The following CASZ1 variants were observed in gnomAD, a reference collection of about 807,000 sequenced individuals.
The protein encoded by CASZ1 is zinc finger protein castor homolog 1.
CASZ1 carries 28 observed loss-of-function variants against 135.2 expected under a neutral mutation model. The ratio of observed to expected loss-of-function variants is 0.21; its 90% CI spans 0.15 to 0.28. The LOEUF is 0.28. Ranked by LOEUF, CASZ1 falls within the 10% of genes least tolerant of loss-of-function variation. CASZ1 has a pLI of 1.00. For missense variants in CASZ1, 2,161 were observed against 2,453.3 expected (o/e 0.88, Z 2.52); for synonymous variants, 1,068 against 1,073.4 (o/e 0.99, Z 0.10).
chr1:10,756,014 G>A lies in CASZ1; in HGVS notation c.-77+4687C>T, dbSNP rs144910105. On this transcript the variant is annotated intron_variant, in intron 2 of 20. Coordinates refer to ENST00000377022, the MANE Select transcript of CASZ1 (RefSeq NM_001079843.3). The surrounding 1 kb of genome is among the most constrained non-coding windows in gnomAD (Gnocchi z 5.9). ...CGGAAAGCAGAAAAACCTCCCACGC[G>A]TGCACAGATGCACACGCCTCCCACC... is the stretch of plus-strand genomic sequence containing the variant. Among the ~76,000 whole-genome samples the A allele has an allele frequency of 1.9e-4, 29 of 152,182 alleles. No homozygotes were observed. The highest frequency in any genetic ancestry group is 5.8e-4 in the East Asian group (3 of 5,180).
At chr1:10,751,160 A>G (rs1640144032) in intron 2 of CASZ1, among the ~76,000 whole-genome samples, 1 of 152,136 alleles carries the variant, frequency 6.6e-6, no homozygotes, top group African/African-American at 2.4e-5. Flanking sequence ...GGGAATAGGA[A>G]AGATCTGAGC....
chr1:10,772,168 G>A (rs1640588595), intron 1 of CASZ1, among the ~76,000 whole-genome samples: 1 of 152,226 alleles, frequency 6.6e-6, no homozygotes, highest in Non-Finnish European at 1.5e-5. Flanking sequence ...CTGGAGGAAG[G>A]AGGAGAAGGG....
chr1:10,773,628 A>G (rs1346990357), intron 1 of CASZ1, among the ~76,000 whole-genome samples: 1 of 152,018 alleles, frequency 6.6e-6, no homozygotes, highest in African/African-American at 2.4e-5. Context: ...TTCTCAGCAT[A>G]CTTGGCCGGG....
intron 1 of CASZ1, among the ~76,000 whole-genome samples, chr1:10,768,929 C>T (rs1640525249): frequency 6.6e-6 from 1 of 152,108 alleles, no homozygotes; most frequent in Admixed American, 6.6e-5. Flanking sequence ...TCACTTGAGG[C>T]CAGGAGTTCG....
chr1:10,642,710 A>T, intron 20 of CASZ1, 149 bp downstream of exon 20: 1 of 834,742 alleles, frequency 1.2e-6, no homozygotes, highest in Non-Finnish European at 1.8e-6. Flanking sequence ...TCGATGACCC[A>T]GTCCCACAGA....
At chr1:10,680,924 AG>A (rs1296459305) in intron 4 of CASZ1, among the ~76,000 whole-genome samples, 1 of 152,132 alleles carries the variant, frequency 6.6e-6, no homozygotes, top group Non-Finnish European at 1.5e-5. Flanking sequence ...TTTTGGAGAC[AG>A]GGTCTTACTC....
At chr1:10,789,044 TC>T (rs1557573154) in intron 1 of CASZ1, among the ~76,000 whole-genome samples, 3 of 152,054 alleles carry the variant, frequency 2.0e-5, no homozygotes, top group Admixed American at 6.5e-5. Context: ...GGGACAAGCC[TC>T]CTCTAACCCT....
intron 5 of CASZ1, among the ~76,000 whole-genome samples, chr1:10,662,025 TAC>T (rs761361304): frequency 2.1e-4 from 32 of 150,750 alleles, no homozygotes; most frequent in African/African-American, 3.9e-4. Flanking sequence ...TGCATTCTCA[TAC>T]ACTCTCACAC....
chr1:10,665,094 C>T lies in CASZ1; in HGVS notation c.494G>A (p.Arg165Lys). Residue 165 changes from arginine to lysine, a missense_variant, in exon 5 of 21, where the codon AGG becomes AAG. Physicochemically the swap from Arg to Lys is conservative, Grantham distance 26. This residue lies in a region of CASZ1 where 590 missense variants were observed against 609.8 expected (regional missense o/e 0.97). Transcript: ENST00000377022. The part of the protein sequence containing the change: ...ASKEDSGPST[R>K]QASGEASSLR... ...GGCCAGGCACCCACCTGAAGCCTGC[C>T]TGGTGCTGGGGCCGCTGTCCTCCTT... The T allele has an allele frequency of 2.0e-6, 3 of 1,505,794 alleles. No homozygotes were observed. Among genetic ancestry groups the T allele is most frequent in the South Asian group, 2.7e-5 (2 of 74,198 alleles). The allele number at this position is 1,505,794 out of a possible 1,614,324, so 93.3% of individuals were successfully genotyped here. A position where few individuals can be genotyped will look rare whatever the true frequency, so the allele number is the denominator to read the frequency against.
intron 7 of CASZ1, 90 bp downstream of exon 7, chr1:10,658,418 G>A (rs1341072923): frequency 9.4e-7 from 1 of 1,063,022 alleles, no homozygotes; most frequent in Non-Finnish European, 1.4e-6. Context: ...TGGCCCTAGA[G>A]GTCAGATATC....
At position 10,703,538 on chromosome 1, in the gene CASZ1, G is replaced by A. The variant is rs140447103; in HGVS notation, c.-24+1954C>T. Among the ~76,000 whole-genome samples the A allele has an allele frequency of 4.2e-3, 642 of 152,206 alleles. 7 individuals are homozygous for A. The highest frequency in any genetic ancestry group is 0.015 in the South Asian group (72 of 4,810). ...GCAGTTTACAAATAGAGAAACTGGCGCTCAGAGGTTATGCTGCTTCCCAGG... is the reference window on the plus strand; with the variant it reads ...GCAGTTTACAAATAGAGAAACTGGCACTCAGAGGTTATGCTGCTTCCCAGG... On this transcript the variant is annotated intron_variant, in intron 3 of 20. Coordinates refer to ENST00000377022, the MANE Select transcript of CASZ1 (RefSeq NM_001079843.3).
chr1:10,701,487 C>T lies in CASZ1; in HGVS notation c.-24+4005G>A, dbSNP rs951528509. 6.6e-6 allele frequency among the ~76,000 whole-genome samples: 1 copy of T among 152,164 alleles called. No individual in the cohort carries two copies. The highest frequency in any genetic ancestry group is 2.4e-5 in the African/African-American group (1 of 41,436). ...GATGGGAAGGACTTAGGTCCAGCCC[C>T]CTCTCGCCAAAGCTCGCCCTTCAGA... is the stretch of plus-strand genomic sequence containing the variant. On this transcript the variant is annotated intron_variant, in intron 3 of 20. Coordinates refer to ENST00000377022, the MANE Select transcript of CASZ1 (RefSeq NM_001079843.3). The surrounding 1 kb of genome is among the most constrained non-coding windows in gnomAD (Gnocchi z 6.3).
At chr1:10,716,448 C>A (rs1428534525) in intron 2 of CASZ1, among the ~76,000 whole-genome samples, 1 of 152,228 alleles carries the variant, frequency 6.6e-6, no homozygotes, top group Admixed American at 6.5e-5. Flanking sequence ...CTGGCTTGCT[C>A]ACATCAAAAG....
intron 4 of CASZ1, among the ~76,000 whole-genome samples, chr1:10,672,246 C>T (rs1184856443): frequency 1.9e-5 from 2 of 106,502 alleles, no homozygotes; most frequent in African/African-American, 7.0e-5. Flanking sequence ...ACTATAAAAA[C>T]ACAAATATGC....
intron 4 of CASZ1, among the ~76,000 whole-genome samples, chr1:10,667,392 C>A (rs999343504): frequency 1.3e-5 from 2 of 152,216 alleles, no homozygotes; most frequent in African/African-American, 4.8e-5. Flanking sequence ...GGCTTCAGGG[C>A]CTTAGACACT....
Position 10,719,089 on chromosome 1 carries a change from T to A in CASZ1, c.-76-13545A>T, listed in dbSNP as rs1336018972. ...CACCACACCTGGCTAATTTTTTTTT[T>A]ACTTTTAGTGGAGGTGGGGTTTCCA... On this transcript the variant is annotated intron_variant, in intron 2 of 20. Transcript: ENST00000377022. The surrounding 1 kb of genome is among the most constrained non-coding windows in gnomAD (Gnocchi z 4.0). Among the ~76,000 whole-genome samples, 1 of 152,162 alleles carries A rather than the reference T, an allele frequency of 6.6e-6. No homozygotes were observed. The highest frequency in any genetic ancestry group is 6.5e-5 in the Admixed American group (1 of 15,284).
rs1322540984 is a variant in CASZ1 at position 10,739,118 on chromosome 1, C to T, written c.-77+21583G>A. Among the ~76,000 whole-genome samples the T allele has an allele frequency of 6.6e-6, 1 of 151,946 alleles. No individual in the cohort carries two copies. Among genetic ancestry groups the T allele is most frequent in the Non-Finnish European group, 1.5e-5 (1 of 67,970 alleles). ...GGTCCGGGGGAAGAAGGAAAAAAAG[C>T]AACAACAATAACGAGAAACAAGTCA... On this transcript the variant is annotated intron_variant, in intron 2 of 20. Coordinates refer to ENST00000377022, the MANE Select transcript of CASZ1 (RefSeq NM_001079843.3). The surrounding 1 kb of genome is among the most constrained non-coding windows in gnomAD (Gnocchi z 4.8).
intron 15 of CASZ1, 94 bp downstream of exon 15, chr1:10,648,976 C>A (rs547457296): frequency 2.0e-6 from 3 of 1,504,622 alleles, no homozygotes; most frequent in Non-Finnish European, 2.7e-6. Flanking sequence ...TGTGGCCCAG[C>A]GGGAACTGCT....
chr1:10,721,543 C>G lies in CASZ1; in HGVS notation c.-76-15999G>C, dbSNP rs1263318090. Among the ~76,000 whole-genome samples the G allele has an allele frequency of 6.6e-6, 1 of 152,166 alleles. No individual in the cohort carries two copies. The highest frequency in any genetic ancestry group is 2.4e-5 in the African/African-American group (1 of 41,430). The stretch of plus-strand genomic sequence containing the variant: ...TTCCCGGCTCGCAGGGAGCTTGAAA[C>G]CAGGACTGGTTCCATGCGGGCATCA... On this transcript the variant is annotated intron_variant, in intron 2 of 20. Coordinates refer to ENST00000377022, the MANE Select transcript of CASZ1 (RefSeq NM_001079843.3). This position sits in a 1 kb window ranked among gnomAD's most constrained non-coding sequence, Gnocchi z 5.4.
Sources: allele counts gnomAD v4.1 joint callset (sites outside exome capture counted in the v4.1 genomes callset), GRCh38; gene constraint gnomAD v4.1.1; regional missense constraint gnomAD v4.1.1; non-coding constraint Gnocchi (gnomAD v3.1); transcripts MANE v1.5; gene names NCBI Gene and HGNC (gene_info 2026-07-23, HGNC 2026-07-21).